Variants in GALNT8 observed in about 807,000 individuals in gnomAD.
The protein encoded by GALNT8 is polypeptide N-acetylgalactosaminyltransferase 8.
Under a neutral mutation model 62.7 loss-of-function variants are expected in GALNT8, and 66 were observed. That is an observed-to-expected ratio of 1.05 (90% confidence interval 0.86 to 1.29). The LOEUF (loss-of-function observed/expected upper bound fraction) is 1.29, where lower values mean the gene tolerates loss of function less well. GALNT8 is among the 50% of genes most tolerant of loss of function. GALNT8 has a pLI of 0.00. For synonymous variants in GALNT8, 288 were observed against 294.3 expected, an observed-to-expected ratio of 0.98 and a Z score of 0.22; for missense variants, 771 against 791.8, an observed-to-expected ratio of 0.97 and a Z score of 0.32.
intron 2 of GALNT8, among the ~76,000 whole-genome samples, chr12:4,737,887 C>T (rs535929939): frequency 2.0e-5 from 3 of 152,324 alleles, no homozygotes; most frequent in African/African-American, 7.2e-5. Context: ...GAGGCCAGCA[C>T]CTTGACATTA....
intron 2 of GALNT8, among the ~76,000 whole-genome samples, chr12:4,728,617 C>T (rs981530348): frequency 2.6e-5 from 4 of 152,116 alleles, no homozygotes; most frequent in African/African-American, 9.7e-5. Context: ...GAATAGACTA[C>T]TCTTTCCACA....
intron 8 of GALNT8, 65 bp from the exon 9 acceptor site, chr12:4,763,887 G>A: frequency 1.2e-6 from 1 of 854,622 alleles, no homozygotes; most frequent in East Asian, 2.4e-5. Flanking sequence ...TGTAGGCCCT[G>A]GGAGGGATGG....
At chr12:4,747,231 C>A (rs1001808937) in intron 6 of GALNT8, among the ~76,000 whole-genome samples, 55 of 152,192 alleles carry the variant, frequency 3.6e-4, no homozygotes, top group African/African-American at 1.2e-3. Flanking sequence ...CAATTATATT[C>A]TTTTAGTTAT....
At position 4,720,859 on chromosome 12, in the gene GALNT8, C is replaced by G; in HGVS notation, c.182C>G (p.Ser61Cys). The G allele has an allele frequency of 6.2e-7, 1 of 1,606,330 alleles. No individual in the cohort carries two copies. ...TACGGGGCAGTGATAAAGAGACTCT[C>G]CCACTTGGAGGTGGAATTGCAGGAT... ...KRYGAVIKRL[S>C]HLEVELQDLK... The change falls in exon 1 of 11, where the codon TCC (serine) becomes TGC (cysteine). Residue 61 changes from serine (S) to cysteine (C), a missense_variant. By Grantham distance (112) the Ser-to-Cys change is moderately radical. Coordinates refer to ENST00000252318, the MANE Select transcript of GALNT8 (RefSeq NM_017417.2).
chr12:4,726,300 A>T lies in GALNT8; in HGVS notation c.212-232A>T, dbSNP rs1456648982. Reference sequence around the variant, plus strand: ...GAGGAGCTTTGAAGATGTGGGATGGAGGAGTTTTGATGGGGCTAAAGGGAG... The same window carrying T: ...GAGGAGCTTTGAAGATGTGGGATGGTGGAGTTTTGATGGGGCTAAAGGGAG... On this transcript the variant is annotated intron_variant, in intron 1 of 10. Coordinates refer to ENST00000252318, the MANE Select transcript of GALNT8 (RefSeq NM_017417.2). The surrounding 1 kb of genome is among the most constrained non-coding windows in gnomAD (Gnocchi z 4.1). Among the ~76,000 whole-genome samples, 3 of 152,156 alleles carry T rather than the reference A, an allele frequency of 2.0e-5. No individual in the cohort carries two copies. In the South Asian group the frequency reaches 6.2e-4, roughly 32 times the overall value.
At chr12:4,756,039 A>G (rs1946343466) in intron 6 of GALNT8, among the ~76,000 whole-genome samples, 1 of 152,342 alleles carries the variant, frequency 6.6e-6, no homozygotes. Context: ...GTAGCAAACT[A>G]TTTCAGAGTA....
At position 4,721,783 on chromosome 12, in the gene GALNT8, G is replaced by A. The variant is rs112572507; in HGVS notation, c.211+895G>A. On this transcript the variant is annotated intron_variant, in intron 1 of 10. Transcript: ENST00000252318. ...ATCCTCCTCAGCACAGACCCTTTAC[G>A]GGTGTCGGGCTGGGGGACAGTCAGG... is the stretch of plus-strand genomic sequence containing the variant. 7.6e-3 allele frequency among the ~76,000 whole-genome samples: 1,162 copies of A among 152,232 alleles called. 9 individuals carry two copies. Among genetic ancestry groups the A allele is most frequent in the African/African-American group, 0.027 (1,111 of 41,548 alleles).
chr12:4,763,526 C>A, intron 8 of GALNT8, 136 bp downstream of exon 8: 3 of 702,172 alleles, frequency 4.3e-6, no homozygotes, highest in Non-Finnish European at 4.9e-6. Flanking sequence ...TCGCCCTCAA[C>A]CCTCTCAGTT....
intron 9 of GALNT8, among the ~76,000 whole-genome samples, chr12:4,764,644 C>T (rs182918455): frequency 6.7e-6 from 1 of 148,210 alleles, no homozygotes; most frequent in Non-Finnish European, 1.5e-5. Flanking sequence ...TCTGGGTTCA[C>T]GGCATTCTCC....
chr12:4,743,374 C>T (rs890180834), intron 3 of GALNT8, among the ~76,000 whole-genome samples: 1 of 152,218 alleles, frequency 6.6e-6, no homozygotes, highest in African/African-American at 2.4e-5. Context: ...CTGCTTAGCA[C>T]CTTCAATAAT....
intron 6 of GALNT8, 34 bp downstream of exon 6, chr12:4,746,292 G>A: frequency 8.8e-7 from 1 of 1,141,052 alleles, no homozygotes; most frequent in Non-Finnish European, 1.3e-6. Flanking sequence ...ATGGGACAAA[G>A]CAGAAAGGGG....
At chr12:4,755,508 AC>A (rs1308481595) in intron 6 of GALNT8, among the ~76,000 whole-genome samples, 1 of 152,108 alleles carries the variant, frequency 6.6e-6, no homozygotes, top group Non-Finnish European at 1.5e-5. Context: ...TGTCCTTTCT[AC>A]CTCTTCAGTG....
chr12:4,722,282 T>C (rs573394705), intron 1 of GALNT8, among the ~76,000 whole-genome samples: 1 of 152,308 alleles, frequency 6.6e-6, no homozygotes, highest in South Asian at 2.1e-4. Flanking sequence ...TGTGCTCCTT[T>C]CATGAACTAA....
At position 4,761,042 on chromosome 12, in the gene GALNT8, G is replaced by A. The variant is rs1024292090; in HGVS notation, c.1258G>A (p.Asp420Asn). 6.2e-7 allele frequency: 1 copy of A among 1,613,946 alleles called. No individual in the cohort carries two copies. Among genetic ancestry groups the A allele is most frequent in the African/African-American group, 1.3e-5 (1 of 74,880 alleles). ...LERHHKPYAL[D>N]LTAALKRNAL... Reference sequence around the variant, plus strand: ...GAGACACCACAAGCCCTACGCCTTGGATCTCACCGCTGCCTTGAAGCGCAA... The same window carrying A: ...GAGACACCACAAGCCCTACGCCTTGAATCTCACCGCTGCCTTGAAGCGCAA... The change falls in exon 7 of 11, where the codon GAT becomes AAT. Residue 420 changes from aspartate to asparagine, a missense_variant. Transcript: ENST00000252318.
chr12:4,722,522 G>A (rs1946175567), intron 1 of GALNT8, among the ~76,000 whole-genome samples: 1 of 152,148 alleles, frequency 6.6e-6, no homozygotes, highest in African/African-American at 2.4e-5. Flanking sequence ...TAAACTTAAG[G>A]GTAAGATTTC....
intron 2 of GALNT8, among the ~76,000 whole-genome samples, chr12:4,733,415 C>T (rs1057297293): frequency 3.3e-5 from 5 of 151,808 alleles, no homozygotes; most frequent in African/African-American, 7.3e-5. Context: ...AATGTGGGTA[C>T]GGATAAGAGA....
At chr12:4,764,530 AT>A (rs58809573) in intron 9 of GALNT8, among the ~76,000 whole-genome samples, 7,234 of 98,582 alleles carry the variant, frequency 0.073, 19 homozygotes, top group Non-Finnish European at 0.085. Context: ...CAGTCAGGGG[AT>A]TTTTTTTTTT....
chr12:4,732,044 T>C (rs1259941091), intron 2 of GALNT8, among the ~76,000 whole-genome samples: 1 of 152,186 alleles, frequency 6.6e-6, no homozygotes, highest in Non-Finnish European at 1.5e-5. Flanking sequence ...TTGCATACCA[T>C]AAAGCTGGCC....
intron 8 of GALNT8, 61 bp from the exon 9 acceptor site, chr12:4,763,891 G>A: frequency 2.3e-6 from 2 of 870,376 alleles, no homozygotes; most frequent in South Asian, 1.3e-5. Context: ...GGCCCTGGGA[G>A]GGATGGCGCC....
Sources: allele counts gnomAD v4.1 joint callset (sites outside exome capture counted in the v4.1 genomes callset), GRCh38; gene constraint gnomAD v4.1.1; non-coding constraint Gnocchi (gnomAD v3.1); transcripts MANE v1.5; gene names NCBI Gene and HGNC (gene_info 2026-07-23, HGNC 2026-07-21).